Variants in HSPA4L observed in about 807,000 individuals in gnomAD.
HSPA4L encodes heat shock protein family A (Hsp70) member 4 like, also known as heat shock 70 kDa protein 4L.
In HSPA4L, 48 loss-of-function variants were observed where a neutral mutation model predicts 100.3. The ratio of observed to expected loss-of-function variants is 0.48; its 90% CI spans 0.38 to 0.61. The LOEUF (loss-of-function observed/expected upper bound fraction) is 0.61. Ranked by LOEUF, HSPA4L falls within the 20% of genes least tolerant of loss-of-function variation. HSPA4L has a pLI of 0.00. For synonymous variants in HSPA4L, 319 were observed against 328.2 expected (o/e 0.97, Z 0.30); for missense variants, 886 against 988.6 (o/e 0.90, Z 1.39).
chr4:127,799,553 T>C (rs1194616587), intron 4 of HSPA4L, among the ~76,000 whole-genome samples: 2 of 152,210 alleles, frequency 1.3e-5, no homozygotes, highest in Non-Finnish European at 2.9e-5. Context: ...TAGAGCCAGA[T>C]AGTTAATTCC....
chr4:127,783,586 A>C (rs1031044359), intron 1 of HSPA4L: 1 of 1,532,592 alleles, frequency 6.5e-7, no homozygotes, highest in Non-Finnish European at 8.7e-7. Flanking sequence ...GTAATTCTGA[A>C]ATATGAAAAA....
intron 3 of HSPA4L, among the ~76,000 whole-genome samples, chr4:127,798,189 A>G (rs1733077016): frequency 6.6e-6 from 1 of 152,176 alleles, no homozygotes; most frequent in African/African-American, 2.4e-5. Flanking sequence ...CCAAAACTGT[A>G]TGACTGAAGC....
chr4:127,783,370 G>C (rs36047187), intron 1 of HSPA4L, among the ~76,000 whole-genome samples: 25,032 of 151,996 alleles, frequency 0.16, 2,583 homozygotes, highest in East Asian at 0.31. Flanking sequence ...ATGCGGCGGG[G>C]TTGGGTCGGA....
chr4:127,800,310 T>G (rs920729458), intron 4 of HSPA4L, among the ~76,000 whole-genome samples: 7 of 152,042 alleles, frequency 4.6e-5, no homozygotes, highest in African/African-American at 1.7e-4. Context: ...TTGTTTTGTT[T>G]TTTTTTAACT....
chr4:127,794,427 A>G (rs1732963979), intron 2 of HSPA4L, among the ~76,000 whole-genome samples: 1 of 152,078 alleles, frequency 6.6e-6, no homozygotes, highest in African/African-American at 2.4e-5. Flanking sequence ...CCAGAGAATA[A>G]TGAGGGATAT....
At position 127,805,341 on chromosome 4, in the gene HSPA4L, GA is replaced by G. The variant is rs1047149191; in HGVS notation, c.1137+119del. On this transcript the variant is annotated intron_variant, in intron 9 of 18. Transcript: ENST00000296464. ...ACTTATCAATAAGCTAAAGTAAATTGAAGTTATTTCTGATAAATAAGTCTTA... is the reference window on the plus strand; with the variant it reads ...ACTTATCAATAAGCTAAAGTAAATTGAGTTATTTCTGATAAATAAGTCTTA... The G allele has an allele frequency of 5.3e-6, 4 of 747,716 alleles. No individual in the cohort carries two copies. The African/African-American group carries it at 7.1e-5, about 13-fold the overall frequency. 46.3% of individuals were successfully genotyped at this position (747,716 alleles called of 1,614,324 possible). A position where few individuals can be genotyped will look rare whatever the true frequency, so the allele number is the denominator to read the frequency against.
intron 6 of HSPA4L, among the ~76,000 whole-genome samples, chr4:127,802,824 C>T (rs1293479200): frequency 3.3e-5 from 5 of 152,186 alleles, no homozygotes; most frequent in African/African-American, 7.2e-5. Flanking sequence ...GTCTGTGGGG[C>T]GACATTCCAC....
At chr4:127,826,606 A>AGCATAGAGAAGCGTCTGGTGCTT (rs1360839027) in intron 16 of HSPA4L, among the ~76,000 whole-genome samples, 1 of 152,224 alleles carries the variant, frequency 6.6e-6, no homozygotes, top group African/African-American at 2.4e-5. Context: ...ATTAGAGAAA[A>AGCATAGAGAAGCGTCTGGTGCTT]GCATAGAGAA....
intron 10 of HSPA4L, among the ~76,000 whole-genome samples, chr4:127,807,545 AAG>A (rs1328584859): frequency 1.3e-5 from 2 of 152,044 alleles, no homozygotes; most frequent in Admixed American, 6.6e-5. Flanking sequence ...ATCTAGGTAA[AAG>A]ATATACAAGT....
intron 1 of HSPA4L, among the ~76,000 whole-genome samples, chr4:127,788,808 T>C (rs1397895807): frequency 1.3e-5 from 2 of 152,208 alleles, no homozygotes; most frequent in Non-Finnish European, 2.9e-5. Context: ...CAAAGAATTA[T>C]CTGGGCCAAG....
chr4:127,827,245 T>TAA (rs1437427785), intron 16 of HSPA4L, 60 bp from the exon 17 acceptor site: 9 of 1,449,188 alleles, frequency 6.2e-6, no homozygotes, highest in African/African-American at 5.7e-5. Context: ...AAGGGCCCTA[T>TAA]AAAAGTTTTC....
intron 1 of HSPA4L, 130 bp downstream of exon 1, chr4:127,782,787 C>T: frequency 1.6e-6 from 1 of 645,046 alleles, no homozygotes; most frequent in Non-Finnish European, 2.6e-6. Flanking sequence ...ATGACAGGTG[C>T]AACCCGTCAA....
At position 127,782,664 on chromosome 4, in the gene HSPA4L, G is replaced by T; in HGVS notation, c.107+7G>T. 1.3e-6 allele frequency: 2 copies of T among 1,596,106 alleles called. No individual in the cohort carries two copies. Among genetic ancestry groups the T allele is most frequent in the Non-Finnish European group, 1.7e-6 (2 of 1,167,476 alleles). ...ACAGCGACAGGTGTACCCCGTAAGT[G>T]CCTCTGCTGAGCATCACCTCGACCC... On this transcript the variant is annotated splice_region_variant and intron_variant, in intron 1 of 18. Transcript: ENST00000296464.
At chr4:127,812,577 G>A (rs1193299742) in intron 12 of HSPA4L, 7 of 614,000 alleles carry the variant, frequency 1.1e-5, no homozygotes, top group Admixed American at 8.9e-5. Context: ...AATTATTTGT[G>A]TGCATTATTT....
chr4:127,802,346 T>G (rs1042675674), intron 6 of HSPA4L, among the ~76,000 whole-genome samples: 6 of 152,200 alleles, frequency 3.9e-5, no homozygotes, highest in African/African-American at 1.4e-4. Flanking sequence ...TGTGTGCTTC[T>G]TACAAATTAG....
chr4:127,835,128 G>A lies in HSPA4L; in HGVS notation c.*2254G>A, dbSNP rs1734173839. The stretch of plus-strand genomic sequence containing the variant: ...CCAATTTTAATCTGCATTAAAATAT[G>A]CAATGCTAGACAAAGATTTTCAAAA... On this transcript the variant is annotated 3_prime_UTR_variant, in exon 19 of 19. Transcript: ENST00000296464. 6.6e-6 allele frequency: 1 copy of A among 152,094 alleles called. No individual in the cohort carries two copies. Among genetic ancestry groups the A allele is most frequent in the Admixed American group, 6.5e-5 (1 of 15,268 alleles). The allele number at this position is 152,094 out of a possible 1,614,324, so 9.4% of individuals were successfully genotyped here.
Position 127,798,591 on chromosome 4 carries a change from G to A in HSPA4L, c.311G>A (p.Arg104Gln), listed in dbSNP as rs141410924. The A allele has an allele frequency of 3.0e-4, 476 of 1,613,208 alleles. 1 individual carries two copies. The highest frequency in any genetic ancestry group is 3.4e-4 in the Non-Finnish European group (397 of 1,179,532). The change falls in exon 4 of 19, where the codon CGG becomes CAG. Residue 104 changes from arginine (R) to glutamine (Q), a missense_variant. Transcript: ENST00000296464. ...TATCCCAACTTTTGGTGTTAGGTGC[G>A]GTACTTAGAGGAAGAGAGACCTTTT... ...MPNGSAGVKV[R>Q]YLEEERPFAI...
intron 4 of HSPA4L, among the ~76,000 whole-genome samples, chr4:127,800,910 G>A (rs1036419033): frequency 6.6e-6 from 1 of 151,996 alleles, no homozygotes; most frequent in African/African-American, 2.4e-5. Context: ...TAAAACTTAG[G>A]CAACTCTGCC....
chr4:127,812,892 A>G (rs979864324), intron 12 of HSPA4L: 31 of 901,066 alleles, frequency 3.4e-5, no homozygotes, highest in Admixed American at 2.4e-4. Flanking sequence ...TCAGGAAGCT[A>G]TCTCGGCTCT....
Sources: allele counts gnomAD v4.1 joint callset (sites outside exome capture counted in the v4.1 genomes callset), GRCh38; gene constraint gnomAD v4.1.1; transcripts MANE v1.5; gene names NCBI Gene and HGNC (gene_info 2026-07-23, HGNC 2026-07-21).